Variants in MITF observed in about 807,000 individuals in gnomAD.
MITF encodes the protein melanocyte inducing transcription factor, also known as microphthalmia-associated transcription factor.
A neutral mutation model predicts 60.5 loss-of-function variants in MITF; 17 were observed. That is an observed-to-expected ratio of 0.28 (90% CI 0.19 to 0.42). MITF has a LOEUF of 0.42. Among genes scored for constraint, MITF ranks in the 10% least tolerant of loss-of-function variants. MITF has a pLI of 1.00. For synonymous variants in MITF, 260 were observed against 248.5 expected (o/e 1.05, Z -0.43); for missense variants, 622 against 683.5 (o/e 0.91, Z 1.00).
Position 69,739,560 on chromosome 3 carries a change from C to G in MITF, c.-38C>G. The G allele has an allele frequency of 6.5e-7, 1 of 1,532,202 alleles. No homozygotes were observed. 94.9% of individuals were successfully genotyped at this position (1,532,202 alleles called of 1,614,324 possible). On this transcript the variant is annotated 5_prime_UTR_variant, in exon 1 of 10. Coordinates refer to ENST00000352241, the MANE Select transcript of MITF (RefSeq NM_001354604.2). ...CTTCCCTCCGCCCCCGGGCTCTGTT[C>G]TCACTTTCCAGCAGTGGAAGGACGG...
intron 1 of MITF, among the ~76,000 whole-genome samples, chr3:69,814,756 A>G (rs1024287003): frequency 1.3e-5 from 2 of 152,130 alleles, no homozygotes; most frequent in African/African-American, 4.8e-5. Flanking sequence ...ATGTAAAAAG[A>G]AGGTGCAAGC....
intron 1 of MITF, among the ~76,000 whole-genome samples, chr3:69,860,234 G>A (rs2063988075): frequency 1.3e-5 from 2 of 152,196 alleles, no homozygotes; most frequent in Non-Finnish European, 2.9e-5. Flanking sequence ...TTTAAGGTAA[G>A]GGATTAATCC....
At chr3:69,796,556 G>C (rs1159042359) in intron 1 of MITF, among the ~76,000 whole-genome samples, 3 of 142,360 alleles carry the variant, frequency 2.1e-5, no homozygotes, top group African/African-American at 7.8e-5. Flanking sequence ...CCGGACTGCG[G>C]ACTGCAGTGG....
rs115728150 is a variant in MITF at position 69,774,918 on chromosome 3, G to A, written c.104+35217G>A. 8.7e-3 allele frequency among the ~76,000 whole-genome samples: 1,323 copies of A among 152,298 alleles called. 8 individuals carry two copies. The highest frequency in any genetic ancestry group is 0.014 in the Middle Eastern group (4 of 294). On this transcript the variant is annotated intron_variant, in intron 1 of 9. Transcript: ENST00000352241. ...GTTCAGAAGTTGACGCTGGAAACAG[G>A]AACCAAGAGCCCTTGACTTTCACAT...
rs1373636074 is a variant in MITF, at chr3:69,934,230, A to C, written c.355-3592A>C. On this transcript the variant is annotated intron_variant, in intron 2 of 9. Transcript: ENST00000352241. ...TCTGGACTATTTCAGAATAACACTA[A>C]GATATTGTTTTCCTTTTTCACTCTC... Among the ~76,000 whole-genome samples the C allele has an allele frequency of 4.6e-5, 7 of 152,280 alleles. No individual in the cohort carries two copies. In the East Asian group the frequency reaches 7.7e-4, roughly 17 times the overall value.
intron 2 of MITF, among the ~76,000 whole-genome samples, chr3:69,902,983 G>A (rs765028568): frequency 4.6e-5 from 7 of 151,904 alleles, no homozygotes; most frequent in African/African-American, 9.7e-5. Flanking sequence ...ACTTTCTATC[G>A]TGTTTTATTA....
intron 1 of MITF, among the ~76,000 whole-genome samples, chr3:69,796,549 G>C (rs1481142744): frequency 7.6e-6 from 1 of 131,036 alleles, no homozygotes; most frequent in Non-Finnish European, 1.6e-5. Context: ...GCCCAGGCCG[G>C]ACTGCGGACT....
intron 8 of MITF, among the ~76,000 whole-genome samples, chr3:69,956,851 A>G (rs1259621301): frequency 2.0e-5 from 3 of 152,212 alleles, no homozygotes; most frequent in Non-Finnish European, 4.4e-5. Flanking sequence ...TTCATGCAGA[A>G]CAGAACTTTC....
chr3:69,740,902 A>G (rs931637132), intron 1 of MITF, among the ~76,000 whole-genome samples: 1 of 152,160 alleles, frequency 6.6e-6, no homozygotes, highest in Non-Finnish European at 1.5e-5. Flanking sequence ...CGGGGAGCCA[A>G]GTGGTGTAAT....
chr3:69,886,998 G>C (rs1480929934), intron 2 of MITF, among the ~76,000 whole-genome samples: 1 of 151,940 alleles, frequency 6.6e-6, no homozygotes, highest in Non-Finnish European at 1.5e-5. Flanking sequence ...ACACACTTTT[G>C]ATATCAATTT....
chr3:69,937,937 G>T lies in MITF; in HGVS notation c.470G>T (p.Ser157Ile), dbSNP rs775980118. ...AATAAACATGCCAACCAAGTCCTGA[G>T]CTTGCCATGTCCAAACCAGCCTGGC... ...LANKHANQVL[S>I]LPCPNQPGDH... The change falls in exon 3 of 10, where the codon AGC becomes ATC. Residue 157 changes from serine to isoleucine, a missense_variant. Ser to Ile is a moderately radical substitution (Grantham distance 142). Coordinates refer to ENST00000352241, the MANE Select transcript of MITF (RefSeq NM_001354604.2). 1.2e-6 allele frequency: 2 copies of T among 1,614,156 alleles called. No homozygotes were observed. Among genetic ancestry groups the T allele is most frequent in the Non-Finnish European group, 1.7e-6 (2 of 1,180,012 alleles).
chr3:69,754,935 G>A (rs774071931), intron 1 of MITF, among the ~76,000 whole-genome samples: 1 of 152,038 alleles, frequency 6.6e-6, no homozygotes, highest in Non-Finnish European at 1.5e-5. Flanking sequence ...TGGGGGGAGA[G>A]GATCCATAGA....
chr3:69,844,541 C>T (rs554933376), intron 1 of MITF, among the ~76,000 whole-genome samples: 1 of 152,210 alleles, frequency 6.6e-6, no homozygotes, highest in East Asian at 1.9e-4. Flanking sequence ...TAGGCAATAC[C>T]ATTCAGGACA....
intron 1 of MITF, among the ~76,000 whole-genome samples, chr3:69,872,089 C>G (rs574756815): frequency 2.0e-5 from 3 of 152,094 alleles, no homozygotes; most frequent in South Asian, 4.1e-4. Context: ...GGCACTTCAA[C>G]TTTATCTGCT....
intron 1 of MITF, among the ~76,000 whole-genome samples, chr3:69,797,232 C>T (rs1336437241): frequency 1.3e-5 from 2 of 152,082 alleles, no homozygotes; most frequent in African/African-American, 4.8e-5. Flanking sequence ...TCTAAAATAC[C>T]AATCTTTGTG....
At chr3:69,776,788 A>G (rs550537930) in intron 1 of MITF, among the ~76,000 whole-genome samples, 2 of 152,204 alleles carry the variant, frequency 1.3e-5, no homozygotes, top group Admixed American at 6.5e-5. Flanking sequence ...GATTTGGAAC[A>G]TGGAAAATAC....
chr3:69,819,437 A>T (rs1194687393), intron 1 of MITF, among the ~76,000 whole-genome samples: 1 of 152,194 alleles, frequency 6.6e-6, no homozygotes, highest in Non-Finnish European at 1.5e-5. Flanking sequence ...GAAGCTAGTA[A>T]CTTCTTTCAG....
chr3:69,762,783 G>GT (rs1217667529), intron 1 of MITF: 1 of 223,804 alleles, frequency 4.5e-6, no homozygotes, highest in Non-Finnish European at 8.9e-6. Context: ...ATCTAAAGAT[G>GT]TTAGAGGTAC....
At chr3:69,859,134 T>C (rs1389912256) in intron 1 of MITF, among the ~76,000 whole-genome samples, 2 of 152,310 alleles carry the variant, frequency 1.3e-5, no homozygotes, top group South Asian at 2.1e-4. Flanking sequence ...CACCACACTA[T>C]CCTGTCTCCA....
Sources: allele counts gnomAD v4.1 joint callset (sites outside exome capture counted in the v4.1 genomes callset), GRCh38; gene constraint gnomAD v4.1.1; transcripts MANE v1.5; gene names NCBI Gene and HGNC (gene_info 2026-07-23, HGNC 2026-07-21).